The following ASTN2 variants were observed in gnomAD, a reference collection of about 807,000 sequenced individuals.
ASTN2 encodes the protein astrotactin-2.
Under a neutral mutation model 139.8 loss-of-function variants are expected in ASTN2, and 54 were observed. That is an observed-to-expected ratio of 0.39 (90% CI 0.31 to 0.48). ASTN2 has a LOEUF of 0.48. Ranked by LOEUF, ASTN2 falls within the 20% of genes least tolerant of loss-of-function variation. ASTN2 has a pLI of 0.95. For missense variants in ASTN2, 1,565 were observed against 1,725.1 expected, an observed-to-expected ratio of 0.91 and a Z score of 1.64; for synonymous variants, 756 against 719.5, an observed-to-expected ratio of 1.05 and a Z score of -0.81.
intron 11 of ASTN2, among the ~76,000 whole-genome samples, chr9:116,843,203 G>A (rs1043625865): frequency 1.2e-4 from 19 of 152,264 alleles, no homozygotes; most frequent in African/African-American, 4.6e-4. Context: ...CCCATCAACT[G>A]GTGGATTGGA....
intron 2 of ASTN2, among the ~76,000 whole-genome samples, chr9:117,285,946 T>G (rs1412501924): frequency 6.6e-6 from 1 of 152,086 alleles, no homozygotes; most frequent in Non-Finnish European, 1.5e-5. Flanking sequence ...CTCAAAACAT[T>G]TTGTCACCAC....
At chr9:116,615,359 G>A (rs1855787473) in intron 19 of ASTN2, among the ~76,000 whole-genome samples, 1 of 152,162 alleles carries the variant, frequency 6.6e-6, no homozygotes, top group South Asian at 2.1e-4. Context: ...ATTTGACCCA[G>A]CCATCCCATT....
chr9:117,359,468 C>T (rs1829635900), intron 1 of ASTN2, among the ~76,000 whole-genome samples: 1 of 152,196 alleles, frequency 6.6e-6, no homozygotes, highest in Non-Finnish European at 1.5e-5. Flanking sequence ...TGAGATAAGG[C>T]TTTAGTCATT....
intron 4 of ASTN2, among the ~76,000 whole-genome samples, chr9:117,117,368 G>GAA (rs36042622): frequency 1.0e-4 from 7 of 66,916 alleles, no homozygotes; most frequent in African/African-American, 3.0e-4. Flanking sequence ...GCAAAGTGGA[G>GAA]AAAAAAAAAA....
intron 1 of ASTN2, among the ~76,000 whole-genome samples, chr9:117,398,191 A>C (rs564905829): frequency 1.3e-5 from 2 of 152,340 alleles, no homozygotes; most frequent in South Asian, 4.1e-4. Context: ...GGGCCTGAAC[A>C]TTCTAGGGGT....
chr9:116,798,084 A>C (rs1439349174), intron 13 of ASTN2, among the ~76,000 whole-genome samples: 1 of 152,210 alleles, frequency 6.6e-6, no homozygotes, highest in African/African-American at 2.4e-5. Context: ...CAGCCTGGCC[A>C]ACATGGTGAA....
intron 19 of ASTN2, among the ~76,000 whole-genome samples, chr9:116,540,226 T>C (rs559899932): frequency 6.6e-6 from 1 of 152,312 alleles, no homozygotes; most frequent in South Asian, 2.1e-4. Flanking sequence ...ATTCAAATTT[T>C]TATTCATGTC....
At chr9:117,165,161 C>T (rs1396236961) in intron 3 of ASTN2, among the ~76,000 whole-genome samples, 1 of 150,864 alleles carries the variant, frequency 6.6e-6, no homozygotes, top group Non-Finnish European at 1.5e-5. Flanking sequence ...CTCCCTGATG[C>T]TGCCCTGCCT....
Position 116,538,206 on chromosome 9 carries a change from G to A in ASTN2, c.3356-50706C>T, listed in dbSNP as rs555809865. ...AGGGAGGGAGGAAGGGATGGAGGAA[G>A]GGAAAGAGGGAAGAAGGGACTGAGA... On this transcript the variant is annotated intron_variant, in intron 19 of 22. Transcript: ENST00000313400. Among the ~76,000 whole-genome samples the A allele has an allele frequency of 1.8e-4, 28 of 151,886 alleles. No individual in the cohort carries two copies. In the East Asian group the frequency reaches 4.8e-3, roughly 26 times the overall value.
rs187185013 is a variant in ASTN2, at chr9:116,722,998, T to C, written c.2806+2773A>G. Among the ~76,000 whole-genome samples the C allele has an allele frequency of 5.9e-3, 892 of 152,214 alleles. 13 individuals carry two copies. Among genetic ancestry groups the C allele is most frequent in the African/African-American group, 0.021 (861 of 41,546 alleles). On this transcript the variant is annotated intron_variant, in intron 16 of 22. Coordinates refer to ENST00000313400, the MANE Select transcript of ASTN2 (RefSeq NM_001365068.1). ...GGCTAACACAGTGAAACCCCATCTC[T>C]ACTAAAAATAGAAAAAATTAGCCGG...
intron 13 of ASTN2, among the ~76,000 whole-genome samples, chr9:116,749,427 C>CT (rs138419525): frequency 0.059 from 9,007 of 152,212 alleles, 355 homozygotes; most frequent in Non-Finnish European, 0.093. Flanking sequence ...GGGTTATTTT[C>CT]TTTACGTCAT....
intron 1 of ASTN2, among the ~76,000 whole-genome samples, chr9:117,391,845 G>A (rs192812309): frequency 8.1e-4 from 124 of 152,252 alleles, no homozygotes; most frequent in African/African-American, 2.8e-3. Context: ...AGGGGCACAG[G>A]CACTGGTTAA....
At chr9:116,777,285 G>C (rs1830108057) in intron 13 of ASTN2, among the ~76,000 whole-genome samples, 1 of 152,158 alleles carries the variant, frequency 6.6e-6, no homozygotes, top group African/African-American at 2.4e-5. Flanking sequence ...GCACCAGGGG[G>C]AAGGTACATT....
intron 7 of ASTN2, among the ~76,000 whole-genome samples, chr9:117,001,345 C>A (rs923690152): frequency 6.6e-6 from 1 of 152,148 alleles, no homozygotes; most frequent in South Asian, 2.1e-4. Context: ...TTTTCCATGA[C>A]TTTCCCCAAA....
At chr9:117,290,832 C>T (rs889088376) in intron 2 of ASTN2, among the ~76,000 whole-genome samples, 1 of 152,200 alleles carries the variant, frequency 6.6e-6, no homozygotes, top group Non-Finnish European at 1.5e-5. Flanking sequence ...TGTGGACCCC[C>T]ACAATGGCTA....
At chr9:117,080,863 G>A (rs1828407927) in intron 5 of ASTN2, among the ~76,000 whole-genome samples, 1 of 152,066 alleles carries the variant, frequency 6.6e-6, no homozygotes, top group Admixed American at 6.5e-5. Context: ...ACTGTTCCTA[G>A]AATCTACAAT....
chr9:116,699,109 C>A lies in ASTN2; in HGVS notation c.2806+26662G>T. On this transcript the variant is annotated intron_variant, in intron 16 of 22. Coordinates refer to ENST00000313400, the MANE Select transcript of ASTN2 (RefSeq NM_001365068.1). The surrounding 1 kb of genome is among the most constrained non-coding windows in gnomAD (Gnocchi z 4.2). ...TATGATAACTCCCTCAAGGTATATACCTTGGATGGCCACTGCGTGGCCTGT... is the reference window on the plus strand; with the variant it reads ...TATGATAACTCCCTCAAGGTATATAACTTGGATGGCCACTGCGTGGCCTGT... 4 of 1,614,042 alleles carry A rather than the reference C, an allele frequency of 2.5e-6. No individual in the cohort carries two copies. The highest frequency in any genetic ancestry group is 2.2e-5 in the South Asian group (2 of 91,080).
At chr9:116,919,405 T>C (rs1383797830) in intron 10 of ASTN2, among the ~76,000 whole-genome samples, 1 of 152,168 alleles carries the variant, frequency 6.6e-6, no homozygotes, top group Non-Finnish European at 1.5e-5. Context: ...CATAATTTCC[T>C]CTTACATGTC....
chr9:116,748,861 G>A (rs1829323322), intron 13 of ASTN2, among the ~76,000 whole-genome samples: 3 of 152,294 alleles, frequency 2.0e-5, no homozygotes, highest in Middle Eastern at 3.4e-3. Flanking sequence ...TTTAAGTCCT[G>A]AGGTCATTTA....
Sources: allele counts gnomAD v4.1 joint callset (sites outside exome capture counted in the v4.1 genomes callset), GRCh38; gene constraint gnomAD v4.1.1; non-coding constraint Gnocchi (gnomAD v3.1); transcripts MANE v1.5; gene names NCBI Gene and HGNC (gene_info 2026-07-23, HGNC 2026-07-21).